PRMT2: variants seen among roughly 807,000 people sequenced by gnomAD.
The protein encoded by PRMT2 is protein arginine methyltransferase 2.
In PRMT2, 26 loss-of-function variants were observed where a neutral mutation model predicts 57.6. The observed-to-expected ratio is 0.45, with a 90% CI of 0.33 to 0.63. The LOEUF is 0.63. Ranked by LOEUF, PRMT2 falls within the 20% of genes least tolerant of loss-of-function variation. The pLI, the probability that PRMT2 is intolerant of heterozygous loss-of-function variation, is 0.02. For synonymous variants in PRMT2, 219 were observed against 220.0 expected (o/e 1.00, Z 0.04); for missense variants, 472 against 564.4 (o/e 0.84, Z 1.66).
chr21:46,658,264 G>A (rs2061568480), intron 7 of PRMT2: 1 of 154,322 alleles, frequency 6.5e-6, no homozygotes. Flanking sequence ...ATGCAAGGTG[G>A]ACCAAAGGAC....
chr21:46,646,215 A>G (rs541240692), intron 5 of PRMT2, among the ~76,000 whole-genome samples: 2 of 152,326 alleles, frequency 1.3e-5, no homozygotes, highest in African/African-American at 4.8e-5. Context: ...ATACTTGACT[A>G]ACTCTGCAGA....
chr21:46,658,465 C>T lies in PRMT2; in HGVS notation c.655-280C>T, dbSNP rs1036968350. On this transcript the variant is annotated intron_variant, in intron 7 of 11. Coordinates refer to ENST00000355680, the MANE Select transcript of PRMT2 (RefSeq NM_206962.4). ...GAGCTCTTCCGTGACTGAGATGGGA[C>T]AAGAGTGAAGATTTGTCCTTGCTTT... is the stretch of plus-strand genomic sequence containing the variant. 1.4e-5 allele frequency: 5 copies of T among 370,156 alleles called. No individual in the cohort carries two copies. In the South Asian group the frequency reaches 2.0e-4, roughly 15 times the overall value. The allele number at this position is 370,156 out of a possible 1,614,324, so 22.9% of individuals were successfully genotyped here. A position where few individuals can be genotyped will look rare whatever the true frequency, so the allele number is the denominator to read the frequency against.
chr21:46,656,495 G>A (rs572119882), intron 7 of PRMT2, among the ~76,000 whole-genome samples: 2 of 152,256 alleles, frequency 1.3e-5, no homozygotes, highest in East Asian at 1.9e-4. Context: ...GGACAGACAC[G>A]TAAGTCAATG....
intron 7 of PRMT2, chr21:46,657,516 G>A (rs2061559161): frequency 2.0e-5 from 3 of 152,224 alleles, no homozygotes; most frequent in Admixed American, 6.5e-5. Flanking sequence ...GTAATTTGGA[G>A]GAACCCCAGA....
In PRMT2 at chr21:46,663,371, C is replaced by T. The variant is rs199967510; in HGVS notation, c.1098-12C>T. The stretch of plus-strand genomic sequence containing the variant: ...GCTCAGCCTCCAGGTCACACGCACC[C>T]CTGTCTTGCAGCACCACACACTGGA... On this transcript the variant is annotated splice_polypyrimidine_tract_variant and intron_variant, in intron 10 of 11. Transcript: ENST00000355680. The T allele has an allele frequency of 6.2e-7, 1 of 1,605,654 alleles. No homozygotes were observed. The highest frequency in any genetic ancestry group is 1.7e-5 in the Admixed American group (1 of 59,764).
At chr21:46,653,013 G>A (rs2061485161) in intron 7 of PRMT2, 7 of 1,168,104 alleles carry the variant, frequency 6.0e-6, no homozygotes, top group Non-Finnish European at 7.6e-6. Context: ...TGCACATTTG[G>A]TAGAATTAAA....
chr21:46,655,779 TGATGA>T (rs1241301278), intron 7 of PRMT2, among the ~76,000 whole-genome samples: 1 of 152,012 alleles, frequency 6.6e-6, no homozygotes. Flanking sequence ...ATGCTGAAAA[TGATGA>T]GATGATAATG....
At chr21:46,656,186 T>G (rs1420678338) in intron 7 of PRMT2, among the ~76,000 whole-genome samples, 5 of 152,302 alleles carry the variant, frequency 3.3e-5, no homozygotes, top group Non-Finnish European at 7.3e-5. Context: ...CCCACTTGCC[T>G]CTGCTCCCAC....
chr21:46,659,440 G>C (rs1455425794), intron 8 of PRMT2: 1 of 985,436 alleles, frequency 1.0e-6, no homozygotes, highest in Non-Finnish European at 1.2e-6. Context: ...GAGAAATCAC[G>C]TGCTGTCAGG....
intron 7 of PRMT2, among the ~76,000 whole-genome samples, chr21:46,650,325 A>G (rs1407100308): frequency 6.6e-6 from 1 of 152,146 alleles, no homozygotes; most frequent in African/African-American, 2.4e-5. Context: ...CCTGGGACAC[A>G]GGACATTGTA....
rs866886671 is a variant in PRMT2, at chr21:46,659,504, A to G, written c.830+584A>G. On this transcript the variant is annotated intron_variant, in intron 8 of 11. Coordinates refer to ENST00000355680, the MANE Select transcript of PRMT2 (RefSeq NM_206962.4). Reference sequence around the variant, plus strand: ...AGCCAGATGGAATTGCAGCCCAATCATGTGAACAGGCAAACCGCAAAAAAT... The same window carrying G: ...AGCCAGATGGAATTGCAGCCCAATCGTGTGAACAGGCAAACCGCAAAAAAT... The G allele has an allele frequency of 5.3e-5, 52 of 979,326 alleles. No individual in the cohort carries two copies. The African/African-American group carries it at 7.5e-4, about 14-fold the overall frequency. 60.7% of individuals were successfully genotyped at this position (979,326 alleles called of 1,614,324 possible).
chr21:46,659,094 A>G lies in PRMT2; in HGVS notation c.830+174A>G, dbSNP rs1601951762. Reference sequence around the variant, plus strand: ...GGAGTAATTAAAGCAGTATGGTGCTATAACAAGACAGATGGGCAGAGCAGG... The same window carrying G: ...GGAGTAATTAAAGCAGTATGGTGCTGTAACAAGACAGATGGGCAGAGCAGG... On this transcript the variant is annotated intron_variant, in intron 8 of 11. Transcript: ENST00000355680. The G allele has an allele frequency of 1.4e-5, 20 of 1,390,632 alleles. No homozygotes were observed. The South Asian group carries it at 1.9e-4, about 13-fold the overall frequency. The allele number at this position is 1,390,632 out of a possible 1,614,324, so 86.1% of individuals were successfully genotyped here. A position where few individuals can be genotyped will look rare whatever the true frequency, so the allele number is the denominator to read the frequency against.
intron 7 of PRMT2, among the ~76,000 whole-genome samples, chr21:46,655,434 T>C (rs753863233): frequency 2.6e-5 from 4 of 152,148 alleles, no homozygotes; most frequent in Admixed American, 1.3e-4. Flanking sequence ...TAATCTACCA[T>C]ATTAACAGTC....
Position 46,664,684 on chromosome 21 carries a change from G to A in PRMT2, c.*357G>A, listed in dbSNP as rs1401325773. The A allele has an allele frequency of 1.3e-5, 4 of 313,618 alleles. No homozygotes were observed. The East Asian group carries it at 1.8e-4, about 14-fold the overall frequency. 19.4% of individuals were successfully genotyped at this position (313,618 alleles called of 1,614,324 possible). A position where few individuals can be genotyped will look rare whatever the true frequency, so the allele number is the denominator to read the frequency against. On this transcript the variant is annotated 3_prime_UTR_variant, in exon 12 of 12. Transcript: ENST00000355680. ...CTAGGACGCACGCATATCAGCCCGT[G>A]TACCCTGTGACAGTGACTGTCCCCA...
intron 7 of PRMT2, chr21:46,652,999 C>T: frequency 8.3e-7 from 1 of 1,202,274 alleles, no homozygotes; most frequent in Non-Finnish European, 1.1e-6. Context: ...CTGAGGATCT[C>T]CATTGCACAT....
chr21:46,640,207 G>A (rs1483210810), intron 3 of PRMT2, among the ~76,000 whole-genome samples: 1 of 151,972 alleles, frequency 6.6e-6, no homozygotes, highest in African/African-American at 2.4e-5. Flanking sequence ...TGTTGTAAAC[G>A]CCACAATAAA....
chr21:46,660,978 A>G lies in PRMT2; in HGVS notation c.960+16A>G, dbSNP rs374153059. 4.2e-4 allele frequency: 674 copies of G among 1,608,128 alleles called. 6 individuals carry two copies. The highest frequency in any genetic ancestry group is 9.6e-5 in the Non-Finnish European group (113 of 1,177,274). On this transcript the variant is annotated intron_variant, in intron 9 of 11. Transcript: ENST00000355680. ...TGATCTAGAGGTGAGAAAAAGATGA[A>G]TTGCTCCTTACATTCGATAATCAGT...
Position 46,649,448 on chromosome 21 carries a change from C to A in PRMT2, c.490-127C>A. On this transcript the variant is annotated intron_variant, in intron 6 of 11. Coordinates refer to ENST00000355680, the MANE Select transcript of PRMT2 (RefSeq NM_206962.4). The surrounding 1 kb of genome is among the most constrained non-coding windows in gnomAD (Gnocchi z 4.8). The stretch of plus-strand genomic sequence containing the variant: ...GTGTGGCCAGTCCTCGCTGCCTCTG[C>A]TGTCTGGAATGCTGCTTCCCTCTTG... 6.8e-7 allele frequency: 1 copy of A among 1,473,264 alleles called. No homozygotes were observed. Among genetic ancestry groups the A allele is most frequent in the Non-Finnish European group, 9.4e-7 (1 of 1,062,264 alleles). 91.3% of individuals were successfully genotyped at this position (1,473,264 alleles called of 1,614,324 possible).
At chr21:46,663,939 A>C (rs149520727) in intron 11 of PRMT2, among the ~76,000 whole-genome samples, 3 of 152,088 alleles carry the variant, frequency 2.0e-5, no homozygotes, top group African/African-American at 7.2e-5. Context: ...CAGTTAGTCT[A>C]GGCGTGTCGT....
Sources: gnomAD v4.1 joint callset for allele counts (sites outside exome capture counted in the v4.1 genomes callset) on GRCh38, gnomAD v4.1.1 for gene constraint, Gnocchi (gnomAD v3.1) non-coding constraint, MANE v1.5 for transcripts, NCBI Gene and HGNC (gene_info 2026-07-23, HGNC 2026-07-21) for gene names.